The following NRP2 variants were observed in gnomAD, a reference collection of about 807,000 sequenced individuals.
The protein encoded by NRP2 is neuropilin 2.
Under a neutral mutation model 110.4 loss-of-function variants are expected in NRP2, and 52 were observed. That is an observed-to-expected ratio of 0.47 (90% CI 0.38 to 0.59). The LOEUF (loss-of-function observed/expected upper bound fraction) is 0.59, where lower values mean the gene tolerates loss of function less well. Among genes scored for constraint, NRP2 ranks in the 20% least tolerant of loss-of-function variants. NRP2 has a pLI of 0.00. For missense variants in NRP2, 1,049 were observed against 1,203.0 expected (o/e 0.87, Z 1.89); for synonymous variants, 508 against 468.9 (o/e 1.08, Z -1.08).
chr2:205,758,740 A>G (rs2057773669), intron 12 of NRP2, among the ~76,000 whole-genome samples: 1 of 152,220 alleles, frequency 6.6e-6, no homozygotes, highest in Admixed American at 6.5e-5. Context: ...TCTTTCAGCA[A>G]TGGAACATAT....
chr2:205,749,639 C>G (rs2057605129), intron 10 of NRP2, 86 bp from the exon 11 acceptor site: 2 of 1,064,604 alleles, frequency 1.9e-6, no homozygotes, highest in African/African-American at 3.1e-5. Context: ...TCTTTCCCTT[C>G]TCTAGAGATG....
At chr2:205,781,682 A>G (rs1273737855) in intron 15 of NRP2, among the ~76,000 whole-genome samples, 2 of 152,212 alleles carry the variant, frequency 1.3e-5, no homozygotes, top group Admixed American at 6.5e-5. Context: ...AATTGTGCAG[A>G]TCACTGGGGC....
Position 205,743,303 on chromosome 2 carries a change from A to G in NRP2, c.1392A>G (p.Ala464=). ...AGGAATACCTCTGGAGCCCCAGTGCAGCCCGCCTGGTTAGCAGCCGCTCGG... is the reference window on the plus strand; with the variant it reads ...AGGAATACCTCTGGAGCCCCAGTGCGGCCCGCCTGGTTAGCAGCCGCTCGG... ...STQEYLWSPS[A]ARLVSSRSGW... Residue 464 remains alanine (A), a synonymous_variant, in exon 9 of 17, where the codon GCA becomes GCG. Transcript: ENST00000357785. 6.2e-7 allele frequency: 1 copy of G among 1,614,132 alleles called. No homozygotes were observed. The highest frequency in any genetic ancestry group is 8.5e-7 in the Non-Finnish European group (1 of 1,180,004).
In NRP2 at chr2:205,682,819, C is replaced by T. The variant is rs911698227; in HGVS notation, c.-472C>T. ...CTGTCCGGCGGCGGCTGCCTCCGCC[C>T]GTGTGTCCGTCAAGGGTGCCGCGGG... On this transcript the variant is annotated 5_prime_UTR_variant, in exon 1 of 17. Transcript: ENST00000357785. The surrounding 1 kb of genome is among the most constrained non-coding windows in gnomAD (Gnocchi z 4.3). The T allele has an allele frequency of 6.1e-6, 1 of 165,088 alleles. No individual in the cohort carries two copies. The highest frequency in any genetic ancestry group is 1.3e-5 in the Non-Finnish European group (1 of 75,862). The allele number at this position is 165,088 out of a possible 1,614,324, so 10.2% of individuals were successfully genotyped here.
chr2:205,731,989 G>A (rs531637638), intron 7 of NRP2, among the ~76,000 whole-genome samples: 2 of 152,346 alleles, frequency 1.3e-5, no homozygotes, highest in South Asian at 4.1e-4. Flanking sequence ...GGAAACTGGA[G>A]CCTGCATGGA....
chr2:205,716,061 A>T lies in NRP2; in HGVS notation c.252-132A>T. On this transcript the variant is annotated intron_variant, in intron 2 of 16. Transcript: ENST00000357785. ...TTGCCAGTCTGTACAAGCAGACATA[A>T]GTGCCCTTCGCTTATCCATCTGAAA... The T allele has an allele frequency of 3.2e-6, 3 of 937,068 alleles. No individual in the cohort carries two copies. The East Asian group carries it at 7.2e-5, about 22-fold the overall frequency. 58.0% of individuals were successfully genotyped at this position (937,068 alleles called of 1,614,324 possible).
intron 15 of NRP2, among the ~76,000 whole-genome samples, chr2:205,769,968 G>A (rs2057992885): frequency 6.6e-6 from 1 of 152,156 alleles, no homozygotes; most frequent in African/African-American, 2.4e-5. Context: ...AGAGTTCTGG[G>A]GTTTGTTGAC....
intron 15 of NRP2, among the ~76,000 whole-genome samples, chr2:205,781,351 A>G (rs1297750482): frequency 6.6e-6 from 1 of 152,224 alleles, no homozygotes; most frequent in African/African-American, 2.4e-5. Context: ...GTTTCCATGG[A>G]TCATAAATAC....
intron 10 of NRP2, among the ~76,000 whole-genome samples, chr2:205,746,139 A>G (rs2057535049): frequency 6.6e-6 from 1 of 152,172 alleles, no homozygotes; most frequent in African/African-American, 2.4e-5. Context: ...TCTCTCAAAA[A>G]CAAATCATAA....
chr2:205,696,081 C>T (rs551504076), intron 1 of NRP2, among the ~76,000 whole-genome samples: 7 of 152,284 alleles, frequency 4.6e-5, no homozygotes, highest in Admixed American at 1.3e-4. Flanking sequence ...CAGTTCAATA[C>T]GGCACAGTTT....
intron 1 of NRP2, among the ~76,000 whole-genome samples, chr2:205,695,253 C>G (rs1315614010): frequency 2.6e-5 from 4 of 152,176 alleles, no homozygotes; most frequent in African/African-American, 9.7e-5. Flanking sequence ...TAACAGCAGA[C>G]AGTACAGACT....
chr2:205,744,033 C>T (rs1261158609), intron 9 of NRP2, among the ~76,000 whole-genome samples: 6 of 152,154 alleles, frequency 3.9e-5, no homozygotes, highest in East Asian at 1.9e-4. Context: ...CATGAACCAC[C>T]GCGCCCGGCC....
intron 2 of NRP2, among the ~76,000 whole-genome samples, chr2:205,705,868 G>A (rs561351179): frequency 2.0e-5 from 3 of 152,132 alleles, no homozygotes; most frequent in African/African-American, 7.2e-5. Context: ...GATTTCTTTA[G>A]ATATCCTTGA....
chr2:205,749,436 A>G (rs849560), intron 10 of NRP2, among the ~76,000 whole-genome samples: 112,884 of 152,016 alleles, frequency 0.74, 42,924 homozygotes, highest in Non-Finnish European at 0.82. Flanking sequence ...AGCCCCCTCC[A>G]TTATTGTCTC....
intron 1 of NRP2, among the ~76,000 whole-genome samples, chr2:205,690,911 T>A (rs1464492512): frequency 6.6e-6 from 1 of 152,166 alleles, no homozygotes; most frequent in Non-Finnish European, 1.5e-5. Flanking sequence ...GGTATTATTA[T>A]CCCAGACAAG....
Position 205,683,101 on chromosome 2 carries a change from C to T in NRP2, c.-190C>T. Reference sequence around the variant, plus strand: ...CTTTGCTGATTTCAGGAGCTACTCTCCTCCTGGTGAGGTGGAAATTCCAGC... The same window carrying T: ...CTTTGCTGATTTCAGGAGCTACTCTTCTCCTGGTGAGGTGGAAATTCCAGC... On this transcript the variant is annotated 5_prime_UTR_variant, in exon 1 of 17. Coordinates refer to ENST00000357785, the MANE Select transcript of NRP2 (RefSeq NM_003872.3). The T allele has an allele frequency of 5.0e-6, 3 of 595,936 alleles. No homozygotes were observed. Among genetic ancestry groups the T allele is most frequent in the South Asian group, 2.0e-5 (1 of 49,590 alleles). The allele number at this position is 595,936 out of a possible 1,614,324, so 36.9% of individuals were successfully genotyped here.
At chr2:205,757,264 GA>G in intron 12 of NRP2, among the ~76,000 whole-genome samples, 1 of 152,234 alleles carries the variant, frequency 6.6e-6, no homozygotes, top group East Asian at 1.9e-4. Flanking sequence ...GGAGTAAGTC[GA>G]GAATCTTAAT....
intron 2 of NRP2, among the ~76,000 whole-genome samples, chr2:205,698,195 G>C (rs2056476307): frequency 6.7e-6 from 1 of 149,788 alleles, no homozygotes; most frequent in Admixed American, 6.7e-5. Context: ...AGCGGTAACT[G>C]GTTTTCTTAT....
chr2:205,703,754 G>T (rs1222516229), intron 2 of NRP2, among the ~76,000 whole-genome samples: 2 of 152,208 alleles, frequency 1.3e-5, no homozygotes, highest in African/African-American at 2.4e-5. Flanking sequence ...ACAGCAGCAT[G>T]CCCAAAGACA....
Sources: gnomAD v4.1 joint callset for allele counts (sites outside exome capture counted in the v4.1 genomes callset) on GRCh38, gnomAD v4.1.1 for gene constraint, Gnocchi (gnomAD v3.1) non-coding constraint, MANE v1.5 for transcripts, NCBI Gene and HGNC (gene_info 2026-07-23, HGNC 2026-07-21) for gene names.